Variants in ZNF652 observed in about 807,000 individuals in gnomAD.
The protein encoded by ZNF652 is zinc finger protein 652.
Under a neutral mutation model 45.2 loss-of-function variants are expected in ZNF652, and 16 were observed. That is an observed-to-expected ratio of 0.35 (90% CI 0.24 to 0.54). The LOEUF (loss-of-function observed/expected upper bound fraction) is 0.54. Ranked by LOEUF, ZNF652 falls within the 20% of genes least tolerant of loss-of-function variation. ZNF652 has a pLI of 0.91. For synonymous variants in ZNF652, 250 were observed against 260.6 expected, an observed-to-expected ratio of 0.96 and a Z score of 0.39; for missense variants, 614 against 765.6, an observed-to-expected ratio of 0.80 and a Z score of 2.34.
intron 1 of ZNF652, among the ~76,000 whole-genome samples, chr17:49,336,309 T>TGAGCC (rs2070080276): frequency 6.8e-6 from 1 of 147,616 alleles, no homozygotes; most frequent in Non-Finnish European, 1.5e-5. Context: ...AGGCATGAGC[T>TGAGCC]GCCATGCCCA....
intron 3 of ZNF652, 45 bp from the exon 4 acceptor site, chr17:49,312,087 A>C: frequency 1.4e-6 from 2 of 1,476,168 alleles, no homozygotes; most frequent in Non-Finnish European, 1.9e-6. Context: ...ATCCACCAAA[A>C]AGCTCAAACT....
intron 5 of ZNF652, among the ~76,000 whole-genome samples, chr17:49,310,967 T>C (rs1262057072): frequency 6.6e-6 from 1 of 152,164 alleles, no homozygotes; most frequent in East Asian, 1.9e-4. Flanking sequence ...GTGTCCTCCA[T>C]CCTTTTAAGG....
chr17:49,313,246 C>A (rs1425964033), intron 2 of ZNF652, among the ~76,000 whole-genome samples: 1 of 152,164 alleles, frequency 6.6e-6, no homozygotes, highest in African/African-American at 2.4e-5. Context: ...ACCTCCACCT[C>A]CCGGGTTCAA....
At chr17:49,361,579 GC>G (rs2070394836) in intron 1 of ZNF652, among the ~76,000 whole-genome samples, 1 of 152,192 alleles carries the variant, frequency 6.6e-6, no homozygotes, top group South Asian at 2.1e-4. Context: ...CCTCCTCTCG[GC>G]CCGCTAACCC....
intron 1 of ZNF652, among the ~76,000 whole-genome samples, chr17:49,355,883 A>C (rs1443637259): frequency 6.6e-6 from 1 of 152,020 alleles, no homozygotes; most frequent in African/African-American, 2.4e-5. Context: ...TGGGCAACAT[A>C]GCGAGACACC....
intron 1 of ZNF652, among the ~76,000 whole-genome samples, chr17:49,345,462 A>G (rs1300309915): frequency 6.6e-6 from 1 of 151,052 alleles, no homozygotes; most frequent in Non-Finnish European, 1.5e-5. Flanking sequence ...TCGGCCTCCC[A>G]AAGTGCTGGG....
intron 1 of ZNF652, chr17:49,322,310 C>T (rs1317112858): frequency 1.3e-5 from 2 of 152,158 alleles, no homozygotes; most frequent in African/African-American, 4.8e-5. Flanking sequence ...CAAGCTTTCT[C>T]AAAATTACAA....
At chr17:49,345,071 C>T (rs1474549531) in intron 1 of ZNF652, among the ~76,000 whole-genome samples, 1 of 152,138 alleles carries the variant, frequency 6.6e-6, no homozygotes, top group Admixed American at 6.6e-5. Context: ...CAGAGGGGCC[C>T]TAAGAGTAAG....
At chr17:49,345,289 T>C (rs2070193093) in intron 1 of ZNF652, among the ~76,000 whole-genome samples, 2 of 146,672 alleles carry the variant, frequency 1.4e-5, no homozygotes, top group Non-Finnish European at 3.0e-5. Flanking sequence ...TGTAACCTCC[T>C]CCTCCCGGGT....
chr17:49,351,924 C>A (rs938973169), intron 1 of ZNF652, among the ~76,000 whole-genome samples: 1 of 152,086 alleles, frequency 6.6e-6, no homozygotes, highest in Non-Finnish European at 1.5e-5. Flanking sequence ...GAGTTCAAGG[C>A]TGCAGTGAGT....
chr17:49,357,934 A>C (rs1187626806), intron 1 of ZNF652, among the ~76,000 whole-genome samples: 1 of 152,242 alleles, frequency 6.6e-6, no homozygotes, highest in East Asian at 1.9e-4. Flanking sequence ...CAATTTTTTC[A>C]TCCCAAATCT....
At position 49,317,889 on chromosome 17, in the gene ZNF652, A is replaced by G; in HGVS notation, c.-164T>C. The G allele has an allele frequency of 3.9e-6, 3 of 768,536 alleles. No individual in the cohort carries two copies. Among genetic ancestry groups the G allele is most frequent in the Non-Finnish European group, 5.8e-6 (3 of 513,604 alleles). The allele number at this position is 768,536 out of a possible 1,614,324, so 47.6% of individuals were successfully genotyped here. On this transcript the variant is annotated 5_prime_UTR_variant, in exon 2 of 6. Coordinates refer to ENST00000430262, the MANE Select transcript of ZNF652 (RefSeq NM_001145365.3). Reference sequence around the variant, plus strand: ...CAATTCTTCCAGTGTTGCAGCACCAAAGCATGAGTCAAAAAGGTTTGGTAT... The same window carrying G: ...CAATTCTTCCAGTGTTGCAGCACCAGAGCATGAGTCAAAAAGGTTTGGTAT...
At chr17:49,334,805 A>G (rs1020433618) in intron 1 of ZNF652, among the ~76,000 whole-genome samples, 2 of 151,800 alleles carry the variant, frequency 1.3e-5, no homozygotes, top group Non-Finnish European at 2.9e-5. Context: ...GGAATGTAGT[A>G]CTGATATGTG....
chr17:49,355,231 A>G (rs2070322939), intron 1 of ZNF652, among the ~76,000 whole-genome samples: 1 of 152,182 alleles, frequency 6.6e-6, no homozygotes, highest in African/African-American at 2.4e-5. Context: ...TAGATAAAAA[A>G]CTTTTAATAA....
At chr17:49,289,161 T>TG (rs1360686857), downstream of ZNF652, 1 of 151,594 alleles carries the variant, frequency 6.6e-6, no homozygotes, top group Admixed American at 6.6e-5. Flanking sequence ...CTCAAAATGT[T>TG]GTCACCTGAG....
At chr17:49,301,925 T>C (rs1023370333) in intron 5 of ZNF652, among the ~76,000 whole-genome samples, 4 of 151,742 alleles carry the variant, frequency 2.6e-5, no homozygotes, top group African/African-American at 9.7e-5. Flanking sequence ...AAATCAATTA[T>C]AGTATATTTG....
intron 1 of ZNF652, among the ~76,000 whole-genome samples, chr17:49,355,921 A>G (rs1011304109): frequency 6.6e-6 from 1 of 152,100 alleles, no homozygotes; most frequent in African/African-American, 2.4e-5. Flanking sequence ...TATCTAAAAA[A>G]CAAATCCTTC....
intron 1 of ZNF652, among the ~76,000 whole-genome samples, chr17:49,330,300 ATTATT>A (rs1318400991): frequency 3.9e-5 from 6 of 152,156 alleles, no homozygotes; most frequent in Admixed American, 6.6e-5. Context: ...CGTGGGCTAT[ATTATT>A]ATTTTGAGAT....
At chr17:49,314,444 G>A (rs368930745) in intron 2 of ZNF652, among the ~76,000 whole-genome samples, 1 of 152,138 alleles carries the variant, frequency 6.6e-6, no homozygotes, top group African/African-American at 2.4e-5. Context: ...ACAGGTGTGA[G>A]CTACTGCACC....
Sources: allele counts gnomAD v4.1 joint callset (sites outside exome capture counted in the v4.1 genomes callset), GRCh38; gene constraint gnomAD v4.1.1; transcripts MANE v1.5; gene names NCBI Gene and HGNC (gene_info 2026-07-23, HGNC 2026-07-21).